SLC22A24: variants seen among roughly 807,000 people sequenced by gnomAD.
SLC22A24 encodes the protein steroid transmembrane transporter SLC22A24.
Under a neutral mutation model 49.8 loss-of-function variants are expected in SLC22A24, and 53 were observed. That is an observed-to-expected ratio of 1.06 (90% CI 0.85 to 1.34). SLC22A24 has a LOEUF of 1.34. SLC22A24 is among the 40% of genes most tolerant of loss of function. The pLI is 0.00. For missense variants in SLC22A24, 786 were observed against 675.9 expected (o/e 1.16, Z -1.81); for synonymous variants, 302 against 256.4 (o/e 1.18, Z -1.70).
chr11:63,143,398 G>A lies in SLC22A24; in HGVS notation c.382C>T (p.Leu128Phe). The change falls in exon 1 of 10, where the codon CTC (leucine) becomes TTC (phenylalanine). Residue 128 changes from leucine to phenylalanine, a missense_variant. By Grantham distance (22) the Leu-to-Phe change is conservative (BLOSUM62 0). Transcript: ENST00000612278. Reference sequence around the variant, plus strand: ...CTTACCTCAGTCACGATGGTGGAGAGGAAAGAGCTTCTGTCGTACACCCAG... The same window carrying A: ...CTTACCTCAGTCACGATGGTGGAGAAGAAAGAGCTTCTGTCGTACACCCAG... Reference protein sequence around the residue: ...DGWVYDRSSFLSTIVTEWDLV... With the variant: ...DGWVYDRSSFFSTIVTEWDLV... 2.0e-6 allele frequency: 3 copies of A among 1,482,112 alleles called. No individual in the cohort carries two copies. The highest frequency in any genetic ancestry group is 2.7e-6 in the Non-Finnish European group (3 of 1,117,020). 91.8% of individuals were successfully genotyped at this position (1,482,112 alleles called of 1,614,324 possible).
At chr11:63,096,140 A>T (rs539905445) in intron 5 of SLC22A24, 34 bp from the exon 6 acceptor site, 61 of 1,354,280 alleles carry the variant, frequency 4.5e-5, no homozygotes, top group Admixed American at 3.6e-4. Context: ...AGCATTTGTG[A>T]GATGTCAATA....
At chr11:63,138,147 G>T (rs1312668350) in intron 1 of SLC22A24, among the ~76,000 whole-genome samples, 1 of 152,188 alleles carries the variant, frequency 6.6e-6, no homozygotes, top group Non-Finnish European at 1.5e-5. Flanking sequence ...AGGCTGGTCA[G>T]TTACAAACTT....
intron 4 of SLC22A24, among the ~76,000 whole-genome samples, chr11:63,115,635 C>A (rs1046801214): frequency 6.6e-6 from 1 of 152,194 alleles, no homozygotes; most frequent in Non-Finnish European, 1.5e-5. Context: ...AGAAATCACC[C>A]ATCTTCTGCA....
intron 2 of SLC22A24, among the ~76,000 whole-genome samples, chr11:63,125,839 T>G (rs992518778): frequency 1.3e-5 from 2 of 152,220 alleles, no homozygotes; most frequent in Non-Finnish European, 2.9e-5. Flanking sequence ...ACTTTTTAAA[T>G]GATTGCCATT....
intron 6 of SLC22A24, among the ~76,000 whole-genome samples, chr11:63,087,186 C>G (rs1007094624): frequency 3.3e-5 from 5 of 152,134 alleles, no homozygotes; most frequent in Non-Finnish European, 5.9e-5. Context: ...CAGCTCCCAG[C>G]AAGACCCATG....
intron 1 of SLC22A24, among the ~76,000 whole-genome samples, chr11:63,141,434 G>A (rs1240367011): frequency 6.6e-6 from 1 of 152,176 alleles, no homozygotes; most frequent in Non-Finnish European, 1.5e-5. Flanking sequence ...GATACAATTG[G>A]AGAAACTGGT....
chr11:63,088,450 G>A (rs553862732), intron 6 of SLC22A24, among the ~76,000 whole-genome samples: 3 of 151,954 alleles, frequency 2.0e-5, no homozygotes, highest in South Asian at 4.2e-4. Context: ...ACAATCAAAG[G>A]TAGATAAATC....
intron 5 of SLC22A24, among the ~76,000 whole-genome samples, chr11:63,098,707 C>T (rs1339458986): frequency 6.6e-6 from 1 of 151,822 alleles, no homozygotes; most frequent in African/African-American, 2.4e-5. Flanking sequence ...AAAAACTAAA[C>T]AATCTAATGA....
At chr11:63,109,272 G>A (rs2087145008) in intron 4 of SLC22A24, among the ~76,000 whole-genome samples, 1 of 146,244 alleles carries the variant, frequency 6.8e-6, no homozygotes, top group African/African-American at 2.5e-5. Flanking sequence ...TTGGTTCCAA[G>A]TCTTTGCTAT....
Position 63,104,034 on chromosome 11 carries a change from G to T in SLC22A24, c.954+141C>A, listed in dbSNP as rs1250360028. Reference sequence around the variant, plus strand: ...TATCCAAATCTTTGACAGGAGGAAAGATATATATATTTTATCAGGACAGAG... The same window carrying T: ...TATCCAAATCTTTGACAGGAGGAAATATATATATATTTTATCAGGACAGAG... On this transcript the variant is annotated intron_variant, in intron 5 of 9. Transcript: ENST00000612278. 5 of 725,346 alleles carry T rather than the reference G, an allele frequency of 6.9e-6. No homozygotes were observed. The African/African-American group carries it at 7.3e-5, about 11-fold the overall frequency. 44.9% of individuals were successfully genotyped at this position (725,346 alleles called of 1,614,324 possible). A position where few individuals can be genotyped will look rare whatever the true frequency, so the allele number is the denominator to read the frequency against.
chr11:63,081,781 A>G, intron 7 of SLC22A24, 115 bp from the exon 8 acceptor site: 2 of 700,604 alleles, frequency 2.9e-6, no homozygotes, highest in Non-Finnish European at 2.6e-6. Flanking sequence ...GTGGTAGACA[A>G]ACTGCAACAT....
chr11:63,096,790 G>A (rs1005873970), intron 5 of SLC22A24, among the ~76,000 whole-genome samples: 2 of 152,134 alleles, frequency 1.3e-5, no homozygotes, highest in East Asian at 1.9e-4. Flanking sequence ...GTGAAATATA[G>A]TTGTTGGAAA....
intron 1 of SLC22A24, among the ~76,000 whole-genome samples, chr11:63,140,565 T>C (rs2087408616): frequency 6.6e-6 from 1 of 152,196 alleles, no homozygotes; most frequent in South Asian, 2.1e-4. Flanking sequence ...TGGGGACACA[T>C]GAAGAGCCTC....
At position 63,115,206 on chromosome 11, in the gene SLC22A24, G is replaced by C. The variant is rs1286012175; in HGVS notation, c.830+3706C>G. Among the ~76,000 whole-genome samples the C allele has an allele frequency of 2.6e-5, 4 of 152,220 alleles. No individual in the cohort carries two copies. The East Asian group carries it at 7.7e-4, about 29-fold the overall frequency. On this transcript the variant is annotated intron_variant, in intron 4 of 9. Coordinates refer to ENST00000612278, the MANE Select transcript of SLC22A24 (RefSeq NM_001136506.2). ...GAAAGGCAGTAGGCCTGGCTGAGCT[G>C]TGGTGGGCTCCACCCAGTTCGAGCT...
chr11:63,102,262 T>A (rs2087095829), intron 5 of SLC22A24, among the ~76,000 whole-genome samples: 1 of 152,022 alleles, frequency 6.6e-6, no homozygotes, highest in Non-Finnish European at 1.5e-5. Flanking sequence ...AAAAAAGAAA[T>A]GGCTTTGGAA....
intron 1 of SLC22A24, among the ~76,000 whole-genome samples, chr11:63,138,085 A>T (rs563264348): frequency 6.6e-6 from 1 of 152,166 alleles, no homozygotes; most frequent in Admixed American, 6.5e-5. Flanking sequence ...TATCAACAGG[A>T]TAGAACGTGG....
intron 1 of SLC22A24, among the ~76,000 whole-genome samples, chr11:63,142,831 A>G (rs971302934): frequency 1.3e-5 from 2 of 152,050 alleles, no homozygotes; most frequent in African/African-American, 2.4e-5. Flanking sequence ...CTGCCCCCCA[A>G]CCACCAAGTT....
intron 5 of SLC22A24, among the ~76,000 whole-genome samples, chr11:63,102,194 T>C (rs2134649870): frequency 6.6e-6 from 1 of 152,252 alleles, no homozygotes; most frequent in African/African-American, 2.4e-5. Context: ...TATCAAAATA[T>C]TTCACATACC....
chr11:63,139,939 T>C (rs1040215740), intron 1 of SLC22A24, among the ~76,000 whole-genome samples: 9 of 152,270 alleles, frequency 5.9e-5, no homozygotes, highest in African/African-American at 1.7e-4. Context: ...GATATTTATA[T>C]GTAAAAGAGC....
Sources: gnomAD v4.1 joint callset for allele counts (sites outside exome capture counted in the v4.1 genomes callset) on GRCh38, gnomAD v4.1.1 for gene constraint, MANE v1.5 for transcripts, NCBI Gene and HGNC (gene_info 2026-07-23, HGNC 2026-07-21) for gene names.